PCDH15: variants seen among roughly 807,000 people sequenced by gnomAD.
The protein encoded by PCDH15 is protocadherin-15.
In PCDH15, 129 loss-of-function variants were observed where a neutral mutation model predicts 178.5. The observed-to-expected ratio is 0.72, with a 90% CI of 0.63 to 0.84. The LOEUF is 0.84. Ranked by LOEUF, PCDH15 falls within the 40% of genes least tolerant of loss-of-function variation. The pLI, the probability that PCDH15 is intolerant of heterozygous loss-of-function variation, is 0.00. For synonymous variants in PCDH15, 800 were observed against 732.0 expected, an observed-to-expected ratio of 1.09 and a Z score of -1.50; for missense variants, 2,230 against 2,099.9, an observed-to-expected ratio of 1.06 and a Z score of -1.21.
At chr10:55,109,456 A>G (rs1010059104) in intron 2 of PCDH15, among the ~76,000 whole-genome samples, 6 of 152,010 alleles carry the variant, frequency 3.9e-5, no homozygotes, top group African/African-American at 1.5e-4. Context: ...TTAGTTTGCA[A>G]CTCCATTGCT....
At position 53,840,504 on chromosome 10, in the gene PCDH15, T is replaced by C; in HGVS notation, c.3807-8A>G. 1.2e-6 allele frequency: 2 copies of C among 1,612,326 alleles called. No homozygotes were observed. Among genetic ancestry groups the C allele is most frequent in the Non-Finnish European group, 1.7e-6 (2 of 1,178,392 alleles). ...ACATAGCGATCCAAGATCCTATAAA[T>C]CAAACAAAGTACAAACATGACAGTC... On this transcript the variant is annotated splice_region_variant and splice_polypyrimidine_tract_variant and intron_variant, in intron 28 of 37. Transcript: ENST00000644397.
At chr10:55,388,871 G>A (rs1039262591) in intron 2 of PCDH15, among the ~76,000 whole-genome samples, 8 of 152,008 alleles carry the variant, frequency 5.3e-5, no homozygotes, top group Middle Eastern at 3.2e-3. Flanking sequence ...CCCATCATTT[G>A]GAACTGAGCC....
intron 8 of PCDH15, among the ~76,000 whole-genome samples, chr10:54,290,047 C>A (rs4477359): frequency 0.52 from 78,622 of 151,842 alleles, 21,133 homozygotes; most frequent in African/African-American, 0.62. Context: ...ATACAGAGAA[C>A]ACCACAGACA....
At chr10:54,537,288 C>A (rs766508428) in intron 2 of PCDH15, among the ~76,000 whole-genome samples, 108 of 152,126 alleles carry the variant, frequency 7.1e-4, no homozygotes, top group Non-Finnish European at 1.1e-3. Flanking sequence ...CCTGAGCCAA[C>A]GCGACCGGCC....
chr10:54,913,783 TGA>T (rs75534914), intron 2 of PCDH15, among the ~76,000 whole-genome samples: 17,062 of 152,208 alleles, frequency 0.11, 1,311 homozygotes, highest in East Asian at 0.23. Flanking sequence ...GTCCTGGATA[TGA>T]GAGATAGAGT....
At chr10:55,278,311 A>C (rs879479069) in intron 1 of PCDH15, among the ~76,000 whole-genome samples, 4 of 152,144 alleles carry the variant, frequency 2.6e-5, no homozygotes, top group Non-Finnish European at 4.4e-5. Context: ...CAGTTTATAC[A>C]TATATATTAA....
At chr10:55,283,139 T>C (rs1159421192) in intron 1 of PCDH15, among the ~76,000 whole-genome samples, 1 of 152,102 alleles carries the variant, frequency 6.6e-6, no homozygotes, top group Non-Finnish European at 1.5e-5. Flanking sequence ...GGGAATAACA[T>C]CAGTATTGTA....
At chr10:54,903,352 T>C (rs1024612610) in intron 2 of PCDH15, among the ~76,000 whole-genome samples, 4 of 152,168 alleles carry the variant, frequency 2.6e-5, no homozygotes, top group Non-Finnish European at 5.9e-5. Context: ...TTAAAGTAAG[T>C]TGAAGCTATC....
At chr10:55,371,260 C>T (rs1845501781) in intron 2 of PCDH15, among the ~76,000 whole-genome samples, 1 of 152,054 alleles carries the variant, frequency 6.6e-6, no homozygotes, top group South Asian at 2.1e-4. Context: ...CTCATACCAG[C>T]ACAAATTACC....
At chr10:55,392,925 T>C (rs1051630698) in intron 2 of PCDH15, among the ~76,000 whole-genome samples, 6 of 152,068 alleles carry the variant, frequency 3.9e-5, no homozygotes, top group African/African-American at 1.4e-4. Context: ...TTATTTTTCT[T>C]ATTTTTGAGA....
chr10:54,952,136 T>C (rs1838361093), intron 2 of PCDH15, among the ~76,000 whole-genome samples: 1 of 151,886 alleles, frequency 6.6e-6, no homozygotes, highest in African/African-American at 2.4e-5. Context: ...TCTGGGAATG[T>C]TATAGTTTTA....
At chr10:53,989,048 T>C (rs2091295267) in intron 21 of PCDH15, among the ~76,000 whole-genome samples, 1 of 152,186 alleles carries the variant, frequency 6.6e-6, no homozygotes, top group South Asian at 2.1e-4. Context: ...CTGGATTGGT[T>C]ACAGCTCAGC....
intron 2 of PCDH15, among the ~76,000 whole-genome samples, chr10:54,589,149 G>T (rs1320474445): frequency 6.6e-6 from 1 of 151,882 alleles, no homozygotes; most frequent in Non-Finnish European, 1.5e-5. Flanking sequence ...AGAGTCTAAA[G>T]GAAATTTCCA....
intron 2 of PCDH15, among the ~76,000 whole-genome samples, chr10:54,609,606 C>A (rs1484886682): frequency 6.6e-6 from 1 of 151,898 alleles, no homozygotes; most frequent in Non-Finnish European, 1.5e-5. Context: ...TAAAATAACC[C>A]ATCCTTGACT....
At chr10:54,967,728 C>A (rs928786410) in intron 2 of PCDH15, among the ~76,000 whole-genome samples, 3 of 152,136 alleles carry the variant, frequency 2.0e-5, no homozygotes, top group African/African-American at 7.2e-5. Context: ...ATACTGCAGA[C>A]TGAATGCTTT....
intron 1 of PCDH15, among the ~76,000 whole-genome samples, chr10:55,214,672 T>G (rs1840656140): frequency 1.3e-5 from 2 of 152,008 alleles, no homozygotes; most frequent in South Asian, 4.1e-4. Context: ...AGATGGGTTC[T>G]TGCTACATTG....
At chr10:54,725,157 A>T (rs1269294405) in intron 1 of PCDH15, among the ~76,000 whole-genome samples, 1 of 151,448 alleles carries the variant, frequency 6.6e-6, no homozygotes, top group Non-Finnish European at 1.5e-5. Context: ...ATTCTGAAAA[A>T]TAAATTACAC....
intron 2 of PCDH15, chr10:54,600,680 C>T: frequency 1.8e-6 from 1 of 570,034 alleles, no homozygotes; most frequent in Non-Finnish European, 3.3e-6. Flanking sequence ...CCCAGAGTGA[C>T]TAAGATTTGA....
chr10:55,026,863 T>C (rs1840488364), intron 2 of PCDH15, among the ~76,000 whole-genome samples: 1 of 151,890 alleles, frequency 6.6e-6, no homozygotes, highest in African/African-American at 2.4e-5. Context: ...ATGAAGAATA[T>C]AGGAGACAGG....
Sources: gnomAD v4.1 joint callset for allele counts (sites outside exome capture counted in the v4.1 genomes callset) on GRCh38, gnomAD v4.1.1 for gene constraint, MANE v1.5 for transcripts, NCBI Gene and HGNC (gene_info 2026-07-23, HGNC 2026-07-21) for gene names.